The following ASXL3 variants were observed in gnomAD, a reference collection of about 807,000 sequenced individuals.
ASXL3 encodes ASXL transcriptional regulator 3, also known as putative Polycomb group protein ASXL3.
ASXL3 carries 34 observed loss-of-function variants against 170.6 expected under a neutral mutation model. The observed-to-expected ratio is 0.20, with a 90% CI of 0.15 to 0.27. The LOEUF (loss-of-function observed/expected upper bound fraction) is 0.27. Ranked by LOEUF, ASXL3 falls within the 10% of genes least tolerant of loss-of-function variation. The pLI is 1.00. For missense variants in ASXL3, 2,592 were observed against 2,695.3 expected (o/e 0.96, Z 0.85); for synonymous variants, 1,002 against 989.1 (o/e 1.01, Z -0.24).
intron 8 of ASXL3, among the ~76,000 whole-genome samples, chr18:33,723,782 T>TCAA (rs1333960222): frequency 6.6e-6 from 1 of 151,918 alleles, no homozygotes; most frequent in East Asian, 1.9e-4. Flanking sequence ...AAAGGAAGAG[T>TCAA]CAACTAATGC....
At chr18:33,690,888 C>A (rs922902848) in intron 8 of ASXL3, among the ~76,000 whole-genome samples, 2 of 152,150 alleles carry the variant, frequency 1.3e-5, no homozygotes, top group South Asian at 4.1e-4. Flanking sequence ...CATCAGGCTA[C>A]TCCTCAGTGC....
chr18:33,648,174 A>G (rs1278779244), intron 4 of ASXL3, among the ~76,000 whole-genome samples: 4 of 152,292 alleles, frequency 2.6e-5, no homozygotes, highest in Middle Eastern at 3.4e-3. Flanking sequence ...GGCAATGGCC[A>G]CATGTAGGTT....
chr18:33,736,106 G>A (rs1001618104), intron 10 of ASXL3, among the ~76,000 whole-genome samples: 12 of 152,146 alleles, frequency 7.9e-5, no homozygotes, highest in African/African-American at 2.6e-4. Context: ...AATTTCCCCA[G>A]GTTTATAACC....
chr18:33,610,990 C>T (rs948164464), intron 2 of ASXL3, among the ~76,000 whole-genome samples: 11 of 152,128 alleles, frequency 7.2e-5, no homozygotes, highest in African/African-American at 2.6e-4. Flanking sequence ...AGAAAAACTA[C>T]ATTATAATTT....
chr18:33,640,676 C>T (rs1057336699), intron 2 of ASXL3, among the ~76,000 whole-genome samples: 1 of 152,068 alleles, frequency 6.6e-6, no homozygotes, highest in Non-Finnish European at 1.5e-5. Flanking sequence ...TGAGACCCAC[C>T]TAACTTACTC....
At chr18:33,638,205 GAT>G (rs138141735) in intron 2 of ASXL3, among the ~76,000 whole-genome samples, 6 of 149,236 alleles carry the variant, frequency 4.0e-5, no homozygotes, top group African/African-American at 7.4e-5. Flanking sequence ...TCTTATTTAT[GAT>G]ATATATATAT....
At chr18:33,713,501 C>T (rs569419710) in intron 8 of ASXL3, among the ~76,000 whole-genome samples, 8 of 151,944 alleles carry the variant, frequency 5.3e-5, no homozygotes, top group Non-Finnish European at 1.2e-4. Context: ...GGTCCACCCC[C>T]ACCTCAGCCT....
intron 8 of ASXL3, among the ~76,000 whole-genome samples, chr18:33,697,720 A>G (rs1235256524): frequency 6.6e-6 from 1 of 152,042 alleles, no homozygotes; most frequent in East Asian, 1.9e-4. Context: ...CATTCAGCTG[A>G]TGGCCCAGCA....
In ASXL3 at chr18:33,646,256, G is replaced by T. The variant is rs371806703; in HGVS notation, c.258G>T (p.Ser86=). 4 of 1,610,542 alleles carry T rather than the reference G, an allele frequency of 2.5e-6. No homozygotes were observed. The highest frequency in any genetic ancestry group is 3.4e-6 in the Non-Finnish European group (4 of 1,177,776). The change falls in exon 4 of 12, where the codon TCG becomes TCT. Residue 86 remains serine, a synonymous_variant. Transcript: ENST00000269197. ...TCAAAATAATACAGAAAGAGGAGTC[G>T]TCATGCCCAGCAGATGGCACGTTGG... ...SGLYALKKEE[S]SCPADGTLDL...
chr18:33,738,941 C>A lies in ASXL3; in HGVS notation c.1537C>A (p.Pro513Thr). Reference sequence around the variant, plus strand: ...GATGAATGATGTTTTAGAAACTTTGCCTCATATTGAAGTTAAGATAGAAGG... The same window carrying A: ...GATGAATGATGTTTTAGAAACTTTGACTCATATTGAAGTTAAGATAGAAGG... ...VMMNDVLETL[P>T]HIEVKIEGKS... The change falls in exon 11 of 12, where the codon CCT (proline) becomes ACT (threonine). Residue 513 changes from proline (P) to threonine (T), a missense_variant. This residue lies in a region of ASXL3 where 2,246 missense variants were observed against 2,219.6 expected (regional missense o/e 1.01). Coordinates refer to ENST00000269197, the MANE Select transcript of ASXL3 (RefSeq NM_030632.3). 6.2e-7 allele frequency: 1 copy of A among 1,613,506 alleles called. No homozygotes were observed. The highest frequency in any genetic ancestry group is 8.5e-7 in the Non-Finnish European group (1 of 1,179,700).
intron 8 of ASXL3, among the ~76,000 whole-genome samples, chr18:33,697,982 C>G (rs1253697183): frequency 6.6e-6 from 1 of 151,974 alleles, no homozygotes; most frequent in Non-Finnish European, 1.5e-5. Context: ...TATTGCTAGC[C>G]CAGTAGATGG....
chr18:33,622,838 A>G (rs1168003088), intron 2 of ASXL3, among the ~76,000 whole-genome samples: 1 of 152,266 alleles, frequency 6.6e-6, no homozygotes, highest in African/African-American at 2.4e-5. Context: ...TAGAGAATAG[A>G]TCTTTATTCG....
At chr18:33,694,748 A>T (rs1194334970) in intron 8 of ASXL3, among the ~76,000 whole-genome samples, 1 of 152,030 alleles carries the variant, frequency 6.6e-6, no homozygotes, top group East Asian at 1.9e-4. Flanking sequence ...GCTCTTTAAA[A>T]TCCTATCTGT....
rs2067842900 is a variant in ASXL3, at chr18:33,749,034, G to C, written c.*2439G>C. The C allele has an allele frequency of 6.7e-6, 1 of 149,204 alleles. No individual in the cohort carries two copies. Among genetic ancestry groups the C allele is most frequent in the Admixed American group, 6.7e-5 (1 of 15,018 alleles). The allele number at this position is 149,204 out of a possible 1,614,324, so 9.2% of individuals were successfully genotyped here. On this transcript the variant is annotated 3_prime_UTR_variant, in exon 12 of 12. Coordinates refer to ENST00000269197, the MANE Select transcript of ASXL3 (RefSeq NM_030632.3). Reference sequence around the variant, plus strand: ...GAGAATCAGTTGTTGATAGTGCATGGATTCTATCATCCAGGTCCGATTAGC... The same window carrying C: ...GAGAATCAGTTGTTGATAGTGCATGCATTCTATCATCCAGGTCCGATTAGC...
chr18:33,631,913 A>G (rs946369128), intron 2 of ASXL3, among the ~76,000 whole-genome samples: 2 of 152,188 alleles, frequency 1.3e-5, no homozygotes, highest in Admixed American at 1.3e-4. Flanking sequence ...GTAAAATGAT[A>G]TAAATATTGT....
chr18:33,718,903 A>C (rs1294496414), intron 8 of ASXL3, among the ~76,000 whole-genome samples: 2 of 152,070 alleles, frequency 1.3e-5, no homozygotes, highest in Non-Finnish European at 2.9e-5. Context: ...AGGGGCTCCT[A>C]GAGTATGTCT....
At chr18:33,631,053 A>G (rs938655071) in intron 2 of ASXL3, among the ~76,000 whole-genome samples, 1 of 152,068 alleles carries the variant, frequency 6.6e-6, no homozygotes, top group African/African-American at 2.4e-5. Flanking sequence ...GCTGTGAAAT[A>G]AACCACAAAG....
At chr18:33,611,902 G>A (rs1292535719) in intron 2 of ASXL3, among the ~76,000 whole-genome samples, 1 of 151,870 alleles carries the variant, frequency 6.6e-6, no homozygotes, top group Non-Finnish European at 1.5e-5. Context: ...TGTGTTTTTT[G>A]ATGCCATGTC....
rs757777726 is a variant in ASXL3, at chr18:33,586,350, G to A, written c.54+7665G>A. Among the ~76,000 whole-genome samples, 3 of 151,738 alleles carry A rather than the reference G, an allele frequency of 2.0e-5. 1 individual carries two copies. In the South Asian group the frequency reaches 6.2e-4, roughly 31 times the overall value. On this transcript the variant is annotated intron_variant, in intron 1 of 11. Coordinates refer to ENST00000269197, the MANE Select transcript of ASXL3 (RefSeq NM_030632.3). Reference sequence around the variant, plus strand: ...CCACCCCCACCACCACCCCAAATGTGCACACAACAAATAAACCCTTATTTT... The same window carrying A: ...CCACCCCCACCACCACCCCAAATGTACACACAACAAATAAACCCTTATTTT...
Sources: allele counts gnomAD v4.1 joint callset (sites outside exome capture counted in the v4.1 genomes callset), GRCh38; gene constraint gnomAD v4.1.1; regional missense constraint gnomAD v4.1.1; transcripts MANE v1.5; gene names NCBI Gene and HGNC (gene_info 2026-07-23, HGNC 2026-07-21).